DLGAP1: variants seen among roughly 807,000 people sequenced by gnomAD.
DLGAP1 encodes the protein disks large-associated protein 1.
Under a neutral mutation model 90.8 loss-of-function variants are expected in DLGAP1, and 11 were observed. The observed-to-expected ratio is 0.12, with a 90% CI of 0.08 to 0.20. The LOEUF (loss-of-function observed/expected upper bound fraction) is 0.20. Ranked by LOEUF, DLGAP1 falls within the 10% of genes least tolerant of loss-of-function variation. The pLI is 1.00. For synonymous variants in DLGAP1, 558 were observed against 540.7 expected, an observed-to-expected ratio of 1.03 and a Z score of -0.44; for missense variants, 1,050 against 1,333.8, an observed-to-expected ratio of 0.79 and a Z score of 3.31.
chr18:3,911,770 T>G (rs1568295976), intron 3 of DLGAP1, among the ~76,000 whole-genome samples: 1 of 152,240 alleles, frequency 6.6e-6, no homozygotes, highest in African/African-American at 2.4e-5. Flanking sequence ...GCACTTCTCC[T>G]TCCTCTCTTA....
At chr18:4,173,237 T>A (rs531685493) in intron 1 of DLGAP1, among the ~76,000 whole-genome samples, 2 of 152,240 alleles carry the variant, frequency 1.3e-5, no homozygotes, top group Non-Finnish European at 2.9e-5. Context: ...TCATAGTAGT[T>A]TGACCTGCAG....
At chr18:3,964,621 G>A (rs879474370) in intron 3 of DLGAP1, among the ~76,000 whole-genome samples, 1 of 152,118 alleles carries the variant, frequency 6.6e-6, no homozygotes, top group Non-Finnish European at 1.5e-5. Flanking sequence ...GGGCTGATGA[G>A]GAAGAGCCTT....
At chr18:4,405,426 G>GA (rs201056514) in intron 1 of DLGAP1, among the ~76,000 whole-genome samples, 17 of 149,560 alleles carry the variant, frequency 1.1e-4, no homozygotes, top group South Asian at 8.5e-4. Flanking sequence ...AAGGAAGGGA[G>GA]AAAAAAAAAC....
At chr18:3,577,804 T>C (rs2055245362) in intron 8 of DLGAP1, among the ~76,000 whole-genome samples, 1 of 152,234 alleles carries the variant, frequency 6.6e-6, no homozygotes, top group South Asian at 2.1e-4. Context: ...GCATCTTTTA[T>C]GTATTGTATC....
intron 6 of DLGAP1, among the ~76,000 whole-genome samples, chr18:3,730,303 A>G (rs923161660): frequency 6.6e-6 from 1 of 152,256 alleles, no homozygotes; most frequent in Non-Finnish European, 1.5e-5. Context: ...TAAATTATTA[A>G]TGTATTTTAA....
chr18:3,719,263 G>A (rs1435413029), intron 7 of DLGAP1, among the ~76,000 whole-genome samples: 5 of 152,046 alleles, frequency 3.3e-5, no homozygotes, highest in Non-Finnish European at 7.4e-5. Flanking sequence ...AAATCTACAC[G>A]TGATAAAATT....
chr18:4,055,802 G>A (rs1388521514), intron 2 of DLGAP1, among the ~76,000 whole-genome samples: 2 of 152,146 alleles, frequency 1.3e-5, no homozygotes, highest in Non-Finnish European at 1.5e-5. Context: ...AGAGGTGTGA[G>A]TTAAGTGGGC....
chr18:4,428,820 G>A (rs1397145668), intron 1 of DLGAP1, among the ~76,000 whole-genome samples: 1 of 152,170 alleles, frequency 6.6e-6, no homozygotes, highest in Non-Finnish European at 1.5e-5. Context: ...CTAATACACT[G>A]CTTCTATTTG....
At chr18:3,935,245 C>A (rs2072607909) in intron 3 of DLGAP1, among the ~76,000 whole-genome samples, 1 of 152,138 alleles carries the variant, frequency 6.6e-6, no homozygotes, top group African/African-American at 2.4e-5. Context: ...GAGATTTTTA[C>A]TATACACCGC....
At chr18:3,881,868 G>C (rs962161755) in intron 3 of DLGAP1, among the ~76,000 whole-genome samples, 3 of 152,188 alleles carry the variant, frequency 2.0e-5, no homozygotes, top group African/African-American at 4.8e-5. Flanking sequence ...AGCCGAGATC[G>C]TGCCACTGCA....
intron 1 of DLGAP1, chr18:4,248,590 C>T (rs1433552140): frequency 1.3e-5 from 2 of 152,176 alleles, no homozygotes; most frequent in Non-Finnish European, 2.9e-5. Context: ...ACAAAGCGAG[C>T]TAGAAATATC....
At chr18:3,502,090 T>C (rs2049969908) in intron 12 of DLGAP1, 1 of 944,758 alleles carries the variant, frequency 1.1e-6, no homozygotes, top group African/African-American at 1.8e-5. Flanking sequence ...TTTCAGGGCA[T>C]CCTATTTTTC....
chr18:4,335,999 A>G (rs189491029), intron 1 of DLGAP1, among the ~76,000 whole-genome samples: 75 of 152,358 alleles, frequency 4.9e-4, no homozygotes, highest in African/African-American at 1.7e-3. Flanking sequence ...TGGGGCACAA[A>G]TTGATATATC....
chr18:3,767,965 C>T (rs1170133874), intron 5 of DLGAP1, among the ~76,000 whole-genome samples: 1 of 152,042 alleles, frequency 6.6e-6, no homozygotes, highest in East Asian at 1.9e-4. Context: ...GAACCTAGTT[C>T]ACCTAGGCTC....
At chr18:3,929,763 T>G (rs553539804) in intron 3 of DLGAP1, among the ~76,000 whole-genome samples, 1 of 152,216 alleles carries the variant, frequency 6.6e-6, no homozygotes, top group African/African-American at 2.4e-5. Flanking sequence ...ATGCTGTGGA[T>G]TTTGGTCATC....
chr18:3,673,951 T>C (rs1392517988), intron 7 of DLGAP1, among the ~76,000 whole-genome samples: 2 of 151,842 alleles, frequency 1.3e-5, no homozygotes, highest in African/African-American at 2.4e-5. Flanking sequence ...CAAGCGATTC[T>C]CCTGCCTCAG....
intron 1 of DLGAP1, among the ~76,000 whole-genome samples, chr18:4,205,854 A>G (rs2077710358): frequency 1.3e-5 from 2 of 152,234 alleles, no homozygotes; most frequent in South Asian, 4.1e-4. Flanking sequence ...ATTGTAAAGT[A>G]AGAGATTGAC....
chr18:3,652,163 C>CAAA (rs756445206), intron 7 of DLGAP1, among the ~76,000 whole-genome samples: 52 of 93,424 alleles, frequency 5.6e-4, no homozygotes, highest in Admixed American at 1.1e-3. Context: ...GACTCTGTAT[C>CAAA]AAAAAAAAAA....
At chr18:3,610,224 G>A (rs1599527386) in intron 7 of DLGAP1, among the ~76,000 whole-genome samples, 1 of 152,228 alleles carries the variant, frequency 6.6e-6, no homozygotes, top group South Asian at 2.1e-4. Context: ...GGGCCCACAG[G>A]CAGGAATAGC....
Sources: gnomAD v4.1 joint callset for allele counts (sites outside exome capture counted in the v4.1 genomes callset) on GRCh38, gnomAD v4.1.1 for gene constraint, MANE v1.5 for transcripts, NCBI Gene and HGNC (gene_info 2026-07-23, HGNC 2026-07-21) for gene names.